Variants in CDKL3 observed in about 807,000 individuals in gnomAD.
CDKL3 encodes the protein cyclin-dependent kinase-like 3.
CDKL3 carries 65 observed loss-of-function variants against 69.3 expected under a neutral mutation model. The observed-to-expected ratio is 0.94, with a 90% CI of 0.77 to 1.15. The LOEUF (loss-of-function observed/expected upper bound fraction) is 1.15. CDKL3 is among the 50% of genes most tolerant of loss of function. The pLI, the probability that CDKL3 is intolerant of heterozygous loss-of-function variation, is 0.00. For missense variants in CDKL3, 652 were observed against 689.2 expected, an observed-to-expected ratio of 0.95 and a Z score of 0.61; for synonymous variants, 202 against 221.6, an observed-to-expected ratio of 0.91 and a Z score of 0.79.
chr5:134,342,638 A>C (rs2149568572), intron 4 of CDKL3, among the ~76,000 whole-genome samples: 1 of 152,218 alleles, frequency 6.6e-6, no homozygotes, highest in East Asian at 1.9e-4. Context: ...AATTTATGGA[A>C]GATCTAAATA....
At chr5:134,371,305 T>C, upstream of CDKL3, 1 of 542,734 alleles carries the variant, frequency 1.8e-6, no homozygotes, top group Non-Finnish European at 3.3e-6. Flanking sequence ...AATTTGTCTA[T>C]TACTTCAGGA....
downstream of CDKL3, among the ~76,000 whole-genome samples, chr5:134,296,525 T>G (rs1405092161): frequency 6.6e-6 from 1 of 152,180 alleles, no homozygotes; most frequent in Non-Finnish European, 1.5e-5. Context: ...GGAATGGGAC[T>G]TCAAGCATTA....
chr5:134,361,606 A>G (rs1207941515), intron 2 of CDKL3, among the ~76,000 whole-genome samples: 1 of 152,200 alleles, frequency 6.6e-6, no homozygotes, highest in African/African-American at 2.4e-5. Context: ...GACAGCAGTG[A>G]AAAGAATTGA....
At chr5:134,341,031 A>G (rs985057369) in intron 4 of CDKL3, among the ~76,000 whole-genome samples, 5 of 152,358 alleles carry the variant, frequency 3.3e-5, no homozygotes, top group African/African-American at 1.2e-4. Flanking sequence ...GGTTGGTTCA[A>G]TATCCAAAAA....
At chr5:134,368,618 C>CAA (rs11339001), upstream of CDKL3, among the ~76,000 whole-genome samples, 167 of 69,722 alleles carry the variant, frequency 2.4e-3, no homozygotes, top group African/African-American at 4.2e-3. Flanking sequence ...GACTCCATCT[C>CAA]AAAAAAAAAA....
intron 4 of CDKL3, among the ~76,000 whole-genome samples, 168 bp downstream of exon 4, chr5:134,350,081 G>A (rs1327769951): frequency 6.6e-6 from 1 of 152,096 alleles, no homozygotes; most frequent in Non-Finnish European, 1.5e-5. Flanking sequence ...CCAACTACTT[G>A]GGAGGCTGAA....
rs372559542 is a variant in CDKL3, at chr5:134,308,611, T to G, written c.998A>C (p.Tyr333Ser). The part of the protein sequence containing the change: ...ELRKDERKTV[Y>S]TNTLLSSSVL... ...TGAACTACTTAGCAGTGTATTGGTA[T>G]AAACTGTTTTTCTTTCATCTTTCCT... The change falls in exon 8 of 13, where the codon TAT becomes TCT. Residue 333 changes from tyrosine to serine, a missense_variant. Physicochemically the swap from Tyr to Ser is moderately radical, Grantham distance 144 (BLOSUM62 -2). Coordinates refer to ENST00000265334, the MANE Select transcript of CDKL3 (RefSeq NM_001113575.2). The G allele has an allele frequency of 2.3e-5, 37 of 1,606,142 alleles. No individual in the cohort carries two copies. In the East Asian group the frequency reaches 8.0e-4, roughly 35 times the overall value.
chr5:134,331,935 T>C (rs909216253), intron 4 of CDKL3, among the ~76,000 whole-genome samples: 2 of 152,292 alleles, frequency 1.3e-5, no homozygotes, highest in South Asian at 2.1e-4. Context: ...TGTCCCTATT[T>C]CTCCACATCC....
chr5:134,288,889 T>C (rs935362572), intron 8 of CDKL3, among the ~76,000 whole-genome samples: 1 of 151,786 alleles, frequency 6.6e-6, no homozygotes, highest in African/African-American at 2.4e-5. Flanking sequence ...CTGATACTAA[T>C]CTGGACTCTC....
At chr5:134,366,318 T>G (rs1457819921) in intron 2 of CDKL3, 41 bp downstream of exon 2, 5 of 1,428,868 alleles carry the variant, frequency 3.5e-6, no homozygotes, top group Non-Finnish European at 4.7e-6. Context: ...CCATAACAAT[T>G]TTTTCTTTTG....
At chr5:134,362,318 G>A (rs73289873) in intron 2 of CDKL3, among the ~76,000 whole-genome samples, 20,682 of 152,092 alleles carry the variant, frequency 0.14, 1,672 homozygotes, top group African/African-American at 0.21. Context: ...TCGGGAGTTC[G>A]AGATCAGCCT....
Position 134,312,303 on chromosome 5 carries a change from T to C in CDKL3, c.870A>G (p.Gly290=), listed in dbSNP as rs1769767627. The stretch of plus-strand genomic sequence containing the variant: ...CTCAAAATGCTTACTTTTCAATAAA[T>C]CCATCTCTAGTAAAATACTCATGAT... ...LLHHEYFTRD[G]FIEKFMPELK... Residue 290 remains glycine, a synonymous_variant, in exon 7 of 13, where the codon GGA becomes GGG. Transcript: ENST00000265334. 7.0e-6 allele frequency: 11 copies of C among 1,577,198 alleles called. No homozygotes were observed. In the East Asian group the frequency reaches 2.5e-4, roughly 36 times the overall value.
At chr5:134,340,448 C>T (rs1027880897) in intron 4 of CDKL3, among the ~76,000 whole-genome samples, 2 of 151,724 alleles carry the variant, frequency 1.3e-5, no homozygotes, top group Admixed American at 6.6e-5. Context: ...TGTAAATCAA[C>T]AAAATTGAAA....
At chr5:134,359,824 A>G in intron 3 of CDKL3, 73 bp downstream of exon 3, 2 of 988,842 alleles carry the variant, frequency 2.0e-6, no homozygotes, top group Non-Finnish European at 3.0e-6. Flanking sequence ...ACCTTCATAA[A>G]AATAAAACAA....
chr5:134,284,699 C>A (rs1580739320), downstream of CDKL3, among the ~76,000 whole-genome samples: 1 of 152,188 alleles, frequency 6.6e-6, no homozygotes, highest in East Asian at 1.9e-4. Flanking sequence ...GAGACCTCCC[C>A]CTGGGAAGGC....
intron 10 of CDKL3, among the ~76,000 whole-genome samples, chr5:134,305,700 C>T (rs776336524): frequency 1.6e-4 from 25 of 152,158 alleles, no homozygotes; most frequent in Non-Finnish European, 2.6e-4. Flanking sequence ...TATGAATGTA[C>T]CCTAATGTAC....
intron 3 of CDKL3, among the ~76,000 whole-genome samples, chr5:134,354,053 A>C (rs1753959011): frequency 6.6e-6 from 1 of 152,162 alleles, no homozygotes; most frequent in Non-Finnish European, 1.5e-5. Context: ...ATGCTGCTCC[A>C]ACTGCCTGGC....
At chr5:134,369,649 C>G (rs1404101387), upstream of CDKL3, among the ~76,000 whole-genome samples, 1 of 152,098 alleles carries the variant, frequency 6.6e-6, no homozygotes, top group Non-Finnish European at 1.5e-5. Flanking sequence ...TGGCTCACTG[C>G]AGCTTCAACT....
intron 4 of CDKL3, among the ~76,000 whole-genome samples, chr5:134,324,307 A>G (rs1309361285): frequency 6.6e-6 from 1 of 152,252 alleles, no homozygotes. Context: ...AGCTAAACAT[A>G]GTCTTACCAT....
Sources: gnomAD v4.1 joint callset for allele counts (sites outside exome capture counted in the v4.1 genomes callset) on GRCh38, gnomAD v4.1.1 for gene constraint, MANE v1.5 for transcripts, NCBI Gene and HGNC (gene_info 2026-07-23, HGNC 2026-07-21) for gene names.